CNTN6: variants seen among roughly 807,000 people sequenced by gnomAD.
The protein encoded by CNTN6 is contactin-6.
CNTN6 carries 137 observed loss-of-function variants against 122.8 expected under a neutral mutation model. The ratio of observed to expected loss-of-function variants is 1.12; its 90% CI spans 0.97 to 1.29. The LOEUF (loss-of-function observed/expected upper bound fraction) is 1.29, where lower values mean the gene tolerates loss of function less well. Ranked by LOEUF, CNTN6 falls within the 50% of genes most tolerant of loss-of-function variation. CNTN6 has a pLI of 0.00. For missense variants in CNTN6, 1,634 were observed against 1,223.4 expected (o/e 1.34, Z -5.01); for synonymous variants, 570 against 426.0 (o/e 1.34, Z -4.16).
At chr3:1,345,180 G>A (rs1704489197) in intron 11 of CNTN6, among the ~76,000 whole-genome samples, 1 of 151,014 alleles carries the variant, frequency 6.6e-6, no homozygotes, top group Non-Finnish European at 1.5e-5. Flanking sequence ...GCGGTGGCAC[G>A]ATCTTGGCCT....
At chr3:1,304,758 C>T (rs948550604) in intron 7 of CNTN6, among the ~76,000 whole-genome samples, 1 of 151,780 alleles carries the variant, frequency 6.6e-6, no homozygotes, top group African/African-American at 2.4e-5. Flanking sequence ...CTTTGGGAGG[C>T]CGAGGTGGGT....
intron 4 of CNTN6, among the ~76,000 whole-genome samples, chr3:1,266,159 G>T (rs2094923205): frequency 6.6e-6 from 1 of 151,332 alleles, no homozygotes; most frequent in Admixed American, 6.6e-5. Context: ...AAAATGCTTT[G>T]GAAAAAAGTG....
chr3:1,165,428 G>C (rs1418494514), intron 2 of CNTN6, among the ~76,000 whole-genome samples: 2 of 152,118 alleles, frequency 1.3e-5, no homozygotes, highest in Admixed American at 6.5e-5. Flanking sequence ...TTCAAGTGCT[G>C]TCCCTTTGCT....
chr3:1,196,307 GT>G (rs71062552), intron 2 of CNTN6, among the ~76,000 whole-genome samples: 16,416 of 152,226 alleles, frequency 0.11, 948 homozygotes, highest in Non-Finnish European at 0.13. Context: ...TAGAGGCAGT[GT>G]GCTTTGAGTA....
chr3:1,093,161 A>G (rs1388685314), intron 1 of CNTN6, 41 bp downstream of exon 1: 2 of 229,110 alleles, frequency 8.7e-6, no homozygotes, highest in Admixed American at 5.2e-5. Context: ...GTCTGCTGCA[A>G]TGAGAATATT....
chr3:1,190,107 C>T lies in CNTN6; in HGVS notation c.56-30580C>T, dbSNP rs967432659. Among the ~76,000 whole-genome samples, 11 of 152,238 alleles carry T rather than the reference C, an allele frequency of 7.2e-5. No homozygotes were observed. In the East Asian group the frequency reaches 7.7e-4, roughly 11 times the overall value. ...GTAAGGGCTCTCATTGATTTGCAGACGGCAGCCTTCTCACTGCATCCTCAC... is the reference window on the plus strand; with the variant it reads ...GTAAGGGCTCTCATTGATTTGCAGATGGCAGCCTTCTCACTGCATCCTCAC... On this transcript the variant is annotated intron_variant, in intron 2 of 22. Transcript: ENST00000446702.
At chr3:1,284,365 G>C (rs887838980) in intron 5 of CNTN6, among the ~76,000 whole-genome samples, 1 of 152,136 alleles carries the variant, frequency 6.6e-6, no homozygotes, top group African/African-American at 2.4e-5. Context: ...TGCTGTTTCT[G>C]GCGTAAATGA....
At chr3:1,284,176 G>A (rs1693955927) in intron 5 of CNTN6, among the ~76,000 whole-genome samples, 1 of 152,216 alleles carries the variant, frequency 6.6e-6, no homozygotes, top group African/African-American at 2.4e-5. Context: ...GTAGCAGGAA[G>A]ATAGCACGAC....
intron 11 of CNTN6, among the ~76,000 whole-genome samples, chr3:1,335,392 A>G (rs1270721308): frequency 6.6e-6 from 1 of 152,180 alleles, no homozygotes; most frequent in Non-Finnish European, 1.5e-5. Flanking sequence ...AGGCATTCTC[A>G]GGCAACTGAG....
intron 12 of CNTN6, among the ~76,000 whole-genome samples, chr3:1,353,333 G>C (rs1454723538): frequency 6.6e-6 from 1 of 151,644 alleles, no homozygotes; most frequent in Non-Finnish European, 1.5e-5. Context: ...AAAGTAGTTA[G>C]CTGCTACACT....
intron 1 of CNTN6, among the ~76,000 whole-genome samples, chr3:1,102,534 T>C (rs1279509274): frequency 1.3e-5 from 2 of 150,766 alleles, no homozygotes; most frequent in African/African-American, 2.4e-5. Context: ...ATCGAGACCA[T>C]CCTGGCTAAC....
At position 1,206,707 on chromosome 3, in the gene CNTN6, C is replaced by G. The variant is rs911194642; in HGVS notation, c.56-13980C>G. ...TCTCTTTACATACTCCATATCCTCACTCCATTCAGGATGTACACTCCACTC... is the reference window on the plus strand; with the variant it reads ...TCTCTTTACATACTCCATATCCTCAGTCCATTCAGGATGTACACTCCACTC... On this transcript the variant is annotated intron_variant, in intron 2 of 22. Coordinates refer to ENST00000446702, the MANE Select transcript of CNTN6 (RefSeq NM_001289080.2). 3.3e-5 allele frequency among the ~76,000 whole-genome samples: 5 copies of G among 152,188 alleles called. No homozygotes were observed. In the East Asian group the frequency reaches 9.6e-4, roughly 29 times the overall value.
Position 1,372,822 on chromosome 3 carries a change from C to A in CNTN6, c.1669-16C>A. On this transcript the variant is annotated splice_polypyrimidine_tract_variant and intron_variant, in intron 13 of 22. Coordinates refer to ENST00000446702, the MANE Select transcript of CNTN6 (RefSeq NM_001289080.2). ...TGGGCTTACGTTTTTATCCATTTCT[C>A]CCTTTCTGTCTGCAGGAATCTGTTG... is the stretch of plus-strand genomic sequence containing the variant. The A allele has an allele frequency of 6.8e-7, 1 of 1,466,740 alleles. No homozygotes were observed. The highest frequency in any genetic ancestry group is 9.5e-7 in the Non-Finnish European group (1 of 1,056,780). The allele number at this position is 1,466,740 out of a possible 1,614,324, so 90.9% of individuals were successfully genotyped here.
At chr3:1,335,913 G>A (rs1029375578) in intron 11 of CNTN6, among the ~76,000 whole-genome samples, 22 of 152,022 alleles carry the variant, frequency 1.4e-4, no homozygotes, top group Admixed American at 1.1e-3. Flanking sequence ...GCACACCCCT[G>A]TGGTGCCAGC....
chr3:1,163,954 A>G (rs776960934), intron 2 of CNTN6, among the ~76,000 whole-genome samples: 12 of 152,230 alleles, frequency 7.9e-5, no homozygotes, highest in Non-Finnish European at 1.6e-4. Flanking sequence ...TGCACCAGGA[A>G]ACAACAAGTT....
chr3:1,301,944 A>C (rs17037387), intron 7 of CNTN6, among the ~76,000 whole-genome samples: 5,041 of 152,296 alleles, frequency 0.033, 138 homozygotes, highest in South Asian at 0.057. Flanking sequence ...ACACATTGCA[A>C]ACATACTGAA....
At chr3:1,236,907 T>C (rs550253377) in intron 4 of CNTN6, among the ~76,000 whole-genome samples, 60 of 152,070 alleles carry the variant, frequency 3.9e-4, no homozygotes, top group Non-Finnish European at 5.6e-4. Context: ...GGTGAAACCC[T>C]GTCTCTACTA....
chr3:1,102,217 A>G (rs1489118172), intron 1 of CNTN6, among the ~76,000 whole-genome samples: 6 of 152,104 alleles, frequency 3.9e-5, no homozygotes, highest in Non-Finnish European at 7.4e-5. Context: ...TTGTATGTCT[A>G]ATGTGGTTGT....
At chr3:1,338,696 C>T (rs767067179) in intron 11 of CNTN6, among the ~76,000 whole-genome samples, 5 of 152,048 alleles carry the variant, frequency 3.3e-5, no homozygotes, top group Non-Finnish European at 5.9e-5. Context: ...CTTGTATCTT[C>T]AAAATTTTAC....
Sources: gnomAD v4.1 joint callset for allele counts (sites outside exome capture counted in the v4.1 genomes callset) on GRCh38, gnomAD v4.1.1 for gene constraint, MANE v1.5 for transcripts, NCBI Gene and HGNC (gene_info 2026-07-23, HGNC 2026-07-21) for gene names.